CPNE7: variants seen among roughly 807,000 people sequenced by gnomAD.
CPNE7 encodes copine 7.
A neutral mutation model predicts 66.5 loss-of-function variants in CPNE7; 78 were observed. The observed-to-expected ratio is 1.17, with a 90% CI of 0.98 to 1.42. The LOEUF (loss-of-function observed/expected upper bound fraction) is 1.42, where lower values mean the gene tolerates loss of function less well. CPNE7 is among the 40% of genes most tolerant of loss of function. The pLI is 0.00. For synonymous variants in CPNE7, 468 were observed against 336.7 expected (o/e 1.39, Z -4.27); for missense variants, 1,012 against 776.6 (o/e 1.30, Z -3.60).
At position 89,588,080 on chromosome 16, in the gene CPNE7, ACAGATACACGG is replaced by A. The variant is rs1273081059; in HGVS notation, c.928-593_928-583del. 5.2e-4 allele frequency among the ~76,000 whole-genome samples: 11 copies of A among 20,976 alleles called. 1 individual carries two copies. In the East Asian group the frequency reaches 6.5e-3, roughly 12 times the overall value. 13.8% of individuals were successfully genotyped at this position (20,976 alleles called of 152,430 possible). A position where few individuals can be genotyped will look rare whatever the true frequency, so the allele number is the denominator to read the frequency against. ...AGATACACGGCCCCCCGTGTTACCC[ACAGATACACGG>A]CCCCCGTGTCACCCACAGATACACG... On this transcript the variant is annotated intron_variant, in intron 9 of 14. Transcript: ENST00000319518.
chr16:89,576,480 C>G (rs879506552), intron 1 of CPNE7, among the ~76,000 whole-genome samples: 36 of 151,950 alleles, frequency 2.4e-4, no homozygotes, highest in Non-Finnish European at 3.8e-4. Flanking sequence ...CGGGAGCAGG[C>G]CGGCGAGGGA....
chr16:89,586,788 C>T (rs371887219), intron 8 of CPNE7, 32 bp downstream of exon 8: 4 of 1,569,230 alleles, frequency 2.5e-6, no homozygotes, highest in African/African-American at 1.4e-5. Context: ...AGCCTCCCCA[C>T]CCACAAGAGG....
chr16:89,591,372 C>G, intron 13 of CPNE7, 112 bp downstream of exon 13: 1 of 1,396,300 alleles, frequency 7.2e-7, no homozygotes, highest in Non-Finnish European at 9.4e-7. Flanking sequence ...GCAGAGGCCC[C>G]CAGGCAGGAC....
intron 2 of CPNE7, among the ~76,000 whole-genome samples, chr16:89,578,067 C>T (rs1295687601): frequency 1.8e-5 from 2 of 113,568 alleles, no homozygotes; most frequent in East Asian, 2.3e-4. Context: ...TTTTCTTTTT[C>T]TTTTTTTTTT....
rs1203134489 is a variant in CPNE7, at chr16:89,585,706, A to G, written c.701A>G (p.Asp234Gly). The G allele has an allele frequency of 2.6e-5, 40 of 1,548,028 alleles. No homozygotes were observed. The highest frequency in any genetic ancestry group is 3.2e-5 in the Non-Finnish European group (37 of 1,146,652). ...RPLKCLVWDY[D>G]SRGKHDFIGE... ...CCCCAGTGCCTGGTCTGGGATTACGACTCTCGAGGAAAGCACGACTTCATC... is the reference window on the plus strand; with the variant it reads ...CCCCAGTGCCTGGTCTGGGATTACGGCTCTCGAGGAAAGCACGACTTCATC... Residue 234 changes from aspartate (D) to glycine (G), a missense_variant, in exon 7 of 15, where the codon GAC (aspartate) becomes GGC (glycine). Transcript: ENST00000319518.
Position 89,583,726 on chromosome 16 carries a change from G to C in CPNE7, c.387G>C (p.Pro129=), listed in dbSNP as rs201835948. 5.0e-6 allele frequency: 8 copies of C among 1,612,798 alleles called. No homozygotes were observed. Among genetic ancestry groups the C allele is most frequent in the Non-Finnish European group, 6.8e-6 (8 of 1,179,918 alleles). The change falls in exon 3 of 15, where the codon CCG becomes CCC. Residue 129 remains proline, a synonymous_variant. Transcript: ENST00000319518. ...TGGCCCAGAAGAAGGTGACCCGCCCGCTGCTGCTCAAGTTTGGCAGGAACG... is the reference window on the plus strand; with the variant it reads ...TGGCCCAGAAGAAGGTGACCCGCCCCCTGCTGCTCAAGTTTGGCAGGAACG... ...QIVAQKKVTR[P]LLLKFGRNAG...
chr16:89,585,535 G>A lies in CPNE7; in HGVS notation c.663G>A (p.Glu221=). Residue 221 remains glutamate, a synonymous_variant, in exon 6 of 15, where the codon GAG becomes GAA. Transcript: ENST00000319518. The stretch of plus-strand genomic sequence containing the variant: ...CTCTGAGTTCCCTCTGCAGCTGCGA[G>A]GAGACAAGGCCTCTAAAGGTGGGGG... ...KVSLSSLCSC[E]ETRPLKCLVW... is the part of the protein sequence containing the mutation. The A allele has an allele frequency of 6.2e-7, 1 of 1,611,428 alleles. No individual in the cohort carries two copies. Among genetic ancestry groups the A allele is most frequent in the Non-Finnish European group, 8.5e-7 (1 of 1,179,110 alleles).
At chr16:89,577,469 G>A in intron 1 of CPNE7, 70 bp from the exon 2 acceptor site, 1 of 1,475,000 alleles carries the variant, frequency 6.8e-7, no homozygotes, top group African/African-American at 1.4e-5. Context: ...GAGCGGCAGA[G>A]GGGAGATGGA....
chr16:89,576,328 G>A (rs2058859071), intron 1 of CPNE7, among the ~76,000 whole-genome samples: 1 of 152,096 alleles, frequency 6.6e-6, no homozygotes, highest in Admixed American at 6.5e-5. Context: ...CCCGCAGTGA[G>A]GGGTGCGGCC....
chr16:89,579,715 C>G (rs2151428584), intron 2 of CPNE7, among the ~76,000 whole-genome samples: 1 of 150,508 alleles, frequency 6.6e-6, no homozygotes, highest in Middle Eastern at 3.4e-3. Flanking sequence ...AACATCCCAT[C>G]ACCCATCACA....
Position 89,592,819 on chromosome 16 carries a change from T to C in CPNE7, c.1302+1559T>C, listed in dbSNP as rs1276813302. 5.4e-5 allele frequency among the ~76,000 whole-genome samples: 8 copies of C among 146,858 alleles called. No homozygotes were observed. The East Asian group carries it at 1.4e-3, about 25-fold the overall frequency. ...ACCATTTTTTTCTTTTCTTTTTTTT[T>C]TTTTTTTTTTGAGATGGAGTTTTAC... On this transcript the variant is annotated intron_variant, in intron 13 of 14. Transcript: ENST00000319518.
intron 14 of CPNE7, chr16:89,595,953 A>C (rs147944960): frequency 1.7e-5 from 9 of 519,460 alleles, no homozygotes; most frequent in African/African-American, 1.7e-4. Context: ...AGACACACAC[A>C]GCACACACGT....
At position 89,587,042 on chromosome 16, in the gene CPNE7, G is replaced by C. The variant is rs1160532013; in HGVS notation, c.868-1G>C. The C allele has an allele frequency of 1.9e-6, 3 of 1,578,608 alleles. No homozygotes were observed. The highest frequency in any genetic ancestry group is 2.6e-6 in the Non-Finnish European group (3 of 1,161,916). On this transcript the variant is annotated splice_acceptor_variant, in intron 8 of 14. Coordinates refer to ENST00000319518, the MANE Select transcript of CPNE7 (RefSeq NM_153636.3). LOFTEE classifies it high-confidence loss of function. ...TGGACGCTGACTCCGCCGGCCGGAA[G>C]TTCCACAGGGTGTACTCCTTCCTGG... is the stretch of plus-strand genomic sequence containing the variant.
chr16:89,591,283 G>A (rs1462939712), intron 13 of CPNE7, 23 bp downstream of exon 13: 1 of 1,545,188 alleles, frequency 6.5e-7, no homozygotes, highest in East Asian at 2.3e-5. Context: ...GGGGTGTGGT[G>A]CATGCTTGGT....
intron 2 of CPNE7, 53 bp downstream of exon 2, chr16:89,577,774 G>T (rs1305590349): frequency 1.3e-6 from 2 of 1,528,320 alleles, no homozygotes; most frequent in Non-Finnish European, 1.8e-6. Context: ...GGGGGCCACA[G>T]CCGATTCAAG....
Position 89,596,624 on chromosome 16 carries a change from A to T in CPNE7, c.*3A>T, listed in dbSNP as rs369693128. 1.3e-6 allele frequency: 2 copies of T among 1,596,652 alleles called. No homozygotes were observed. The highest frequency in any genetic ancestry group is 1.7e-6 in the Non-Finnish European group (2 of 1,176,104). On this transcript the variant is annotated 3_prime_UTR_variant, in exon 15 of 15. Transcript: ENST00000319518. The stretch of plus-strand genomic sequence containing the variant: ...CCAGCCCAGGCTGCACACCGTGAAG[A>T]TGTGGAGGGCGTAGGGTGGGGGCAG...
At position 89,588,786 on chromosome 16, in the gene CPNE7, G is replaced by T. The variant is rs199746948; in HGVS notation, c.1039G>T (p.Glu347Ter). ...EYLKALVSVG[E>*]ICQDYDSDKR... ...CCTGAAGGCACTGGTGTCCGTGGGC[G>T]AGATCTGCCAGGACTATGACAGGTG... The change falls in exon 10 of 15, where the codon GAG (glutamate) becomes TAG (stop). Residue 347 changes from glutamate (E) to a stop codon, truncating the protein, a stop_gained. Coordinates refer to ENST00000319518, the MANE Select transcript of CPNE7 (RefSeq NM_153636.3). LOFTEE classifies it high-confidence loss of function. The T allele has an allele frequency of 1.2e-6, 2 of 1,613,438 alleles. No homozygotes were observed. Among genetic ancestry groups the T allele is most frequent in the Non-Finnish European group, 1.7e-6 (2 of 1,179,926 alleles).
chr16:89,591,656 T>C (rs1281008632), intron 13 of CPNE7, among the ~76,000 whole-genome samples: 1 of 152,152 alleles, frequency 6.6e-6, no homozygotes, highest in Non-Finnish European at 1.5e-5. Flanking sequence ...CGTGTGGCCC[T>C]GTATGTGTCT....
rs1019849544 is a variant in CPNE7 at position 89,577,150 on chromosome 16, T to C, written c.175-389T>C. 2.2e-4 allele frequency among the ~76,000 whole-genome samples: 34 copies of C among 152,224 alleles called. 1 individual carries two copies. Among genetic ancestry groups the C allele is most frequent in the Middle Eastern group, 6.8e-3 (2 of 294 alleles). ...GGGATGGGAGAGGCTGGTGAGCCCATGGTACCCCAGCCAGGAGGGAGGGCC... is the reference window on the plus strand; with the variant it reads ...GGGATGGGAGAGGCTGGTGAGCCCACGGTACCCCAGCCAGGAGGGAGGGCC... On this transcript the variant is annotated intron_variant, in intron 1 of 14. Transcript: ENST00000319518.
Sources: allele counts gnomAD v4.1 joint callset (sites outside exome capture counted in the v4.1 genomes callset), GRCh38; gene constraint gnomAD v4.1.1; transcripts MANE v1.5; gene names NCBI Gene and HGNC (gene_info 2026-07-23, HGNC 2026-07-21).